The following STRA8 variants were observed in gnomAD, a reference collection of about 807,000 sequenced individuals.
The protein encoded by STRA8 is stimulated by retinoic acid gene 8 protein homolog.
Under a neutral mutation model 37.1 loss-of-function variants are expected in STRA8, and 18 were observed. That is an observed-to-expected ratio of 0.48 (90% CI 0.34 to 0.72). The LOEUF (loss-of-function observed/expected upper bound fraction) is 0.72. Among genes scored for constraint, STRA8 ranks in the 30% least tolerant of loss-of-function variants. The pLI is 0.01. For missense variants in STRA8, 357 were observed against 410.4 expected, an observed-to-expected ratio of 0.87 and a Z score of 1.13; for synonymous variants, 168 against 162.9, an observed-to-expected ratio of 1.03 and a Z score of -0.24.
At chr7:135,233,275 TC>T (rs1454217669), upstream of STRA8, among the ~76,000 whole-genome samples, 1 of 152,070 alleles carries the variant, frequency 6.6e-6, no homozygotes, top group East Asian at 1.9e-4. Flanking sequence ...CCCCATTTTC[TC>T]CCCCCATCCT....
intron 7 of STRA8, 42 bp downstream of exon 7, chr7:135,251,911 T>C (rs1432097181): frequency 6.3e-7 from 1 of 1,588,392 alleles, no homozygotes; most frequent in Non-Finnish European, 8.6e-7. Flanking sequence ...CCTGTGTGGG[T>C]GGATGTGAGA....
intron 7 of STRA8, among the ~76,000 whole-genome samples, chr7:135,253,873 T>C (rs1196964949): frequency 6.6e-6 from 1 of 152,198 alleles, no homozygotes; most frequent in African/African-American, 2.4e-5. Flanking sequence ...TCCCAATGAA[T>C]ATCTCATTGT....
intron 1 of STRA8, among the ~76,000 whole-genome samples, chr7:135,235,073 C>T (rs1298088267): frequency 6.6e-6 from 1 of 152,138 alleles, no homozygotes; most frequent in Non-Finnish European, 1.5e-5. Context: ...GGTTTGGCCA[C>T]GTTGCCCAGT....
At chr7:135,248,561 A>T (rs377314591) in intron 6 of STRA8, among the ~76,000 whole-genome samples, 4 of 152,168 alleles carry the variant, frequency 2.6e-5, no homozygotes, top group African/African-American at 7.2e-5. Context: ...CTAAAAAAAA[A>T]TAAAAAGGTG....
chr7:135,251,955 C>A, intron 7 of STRA8, 86 bp downstream of exon 7: 1 of 1,280,522 alleles, frequency 7.8e-7, no homozygotes, highest in Non-Finnish European at 1.1e-6. Context: ...TGTGAGTTTG[C>A]ATGTGCATGA....
At chr7:135,237,841 G>A (rs747923728) in intron 1 of STRA8, among the ~76,000 whole-genome samples, 1 of 151,730 alleles carries the variant, frequency 6.6e-6, no homozygotes, top group Non-Finnish European at 1.5e-5. Flanking sequence ...GCAGTGAGCC[G>A]AGATCACGCC....
chr7:135,235,336 A>C (rs890241886), intron 1 of STRA8, among the ~76,000 whole-genome samples: 5 of 152,120 alleles, frequency 3.3e-5, no homozygotes, highest in Non-Finnish European at 7.4e-5. Flanking sequence ...AAAATTCCTT[A>C]AGATGAAGCT....
At chr7:135,245,656 C>A (rs889690978) in intron 5 of STRA8, among the ~76,000 whole-genome samples, 129 bp downstream of exon 5, 1 of 152,096 alleles carries the variant, frequency 6.6e-6, no homozygotes, top group African/African-American at 2.4e-5. Flanking sequence ...TCAGACTAGG[C>A]CCTGAATCAC....
rs1348457120 is a variant in STRA8 at position 135,252,011 on chromosome 7, A to AGTGTGTGT, written c.953+143_953+144insTGTGTGTG. On this transcript the variant is annotated intron_variant, in intron 7 of 8. Transcript: ENST00000662584. ...AGAGAGGAGACAGAGGGAGAGAGAGAGAGTGTGTGTGTGTGTGTGTGTGTG... is the reference window on the plus strand; with the variant it reads ...AGAGAGGAGACAGAGGGAGAGAGAGAGTGTGTGTGAGTGTGTGTGTGTGTGTGTGTGTG... 1.6e-3 allele frequency: 1,036 copies of AGTGTGTGT among 646,858 alleles called. 6 individuals are homozygous for AGTGTGTGT. The African/African-American group carries it at 0.025, about 15-fold the overall frequency. 40.1% of individuals were successfully genotyped at this position (646,858 alleles called of 1,614,324 possible).
rs1379852791 is a variant in STRA8 at position 135,251,879 on chromosome 7, A to T, written c.953+10A>T. ...GTACATCTAGCTCCAGGTGAGGAAGAGGGTGTGAGATAGCATGTGCCCCTG... is the reference window on the plus strand; with the variant it reads ...GTACATCTAGCTCCAGGTGAGGAAGTGGGTGTGAGATAGCATGTGCCCCTG... On this transcript the variant is annotated intron_variant, in intron 7 of 8. Coordinates refer to ENST00000662584, the MANE Select transcript of STRA8 (RefSeq NM_001394401.1). The T allele has an allele frequency of 6.2e-7, 1 of 1,613,728 alleles. No homozygotes were observed. The highest frequency in any genetic ancestry group is 1.1e-5 in the South Asian group (1 of 91,070).
At chr7:135,233,200 G>A (rs1398839846), upstream of STRA8, among the ~76,000 whole-genome samples, 1 of 152,120 alleles carries the variant, frequency 6.6e-6, no homozygotes, top group East Asian at 1.9e-4. Flanking sequence ...ACTACCCAGA[G>A]TGAACCCCTT....
chr7:135,256,337 C>T (rs931814545), intron 8 of STRA8, among the ~76,000 whole-genome samples: 3 of 152,038 alleles, frequency 2.0e-5, no homozygotes, highest in Non-Finnish European at 2.9e-5. Flanking sequence ...CCCCTTCCCA[C>T]CAATCCTTGG....
chr7:135,251,234 A>C (rs555797905), intron 6 of STRA8, among the ~76,000 whole-genome samples: 1 of 152,214 alleles, frequency 6.6e-6, no homozygotes, highest in African/African-American at 2.4e-5. Flanking sequence ...GAATAGCCCT[A>C]TGAGTAGACA....
At chr7:135,255,622 A>AGGGT (rs1414027260) in intron 8 of STRA8, among the ~76,000 whole-genome samples, 19 of 152,214 alleles carry the variant, frequency 1.2e-4, no homozygotes, top group African/African-American at 4.3e-4. Flanking sequence ...CCTATTATGA[A>AGGGT]CTGCTCATGC....
rs1411073428 is a variant in STRA8 at position 135,251,996 on chromosome 7, CAGAG to C, written c.953+128_953+131del. 1.7e-4 allele frequency: 122 copies of C among 735,282 alleles called. 1 individual carries two copies. The African/African-American group carries it at 1.8e-3, about 11-fold the overall frequency. The allele number at this position is 735,282 out of a possible 1,614,324, so 45.5% of individuals were successfully genotyped here. On this transcript the variant is annotated intron_variant, in intron 7 of 8. Coordinates refer to ENST00000662584, the MANE Select transcript of STRA8 (RefSeq NM_001394401.1). The stretch of plus-strand genomic sequence containing the variant: ...GTAAGTCAGAGACAGAGAGAGGAGA[CAGAG>C]GGAGAGAGAGAGAGTGTGTGTGTGT...
intron 4 of STRA8, among the ~76,000 whole-genome samples, chr7:135,243,637 G>C (rs1019205149): frequency 5.3e-5 from 8 of 152,190 alleles, no homozygotes; most frequent in African/African-American, 1.4e-4. Context: ...CACAGAAGAT[G>C]CAGAAAATAC....
Position 135,243,423 on chromosome 7 carries a change from A to G in STRA8, c.353+13A>G. The G allele has an allele frequency of 6.2e-7, 1 of 1,613,474 alleles. No homozygotes were observed. Among genetic ancestry groups the G allele is most frequent in the Non-Finnish European group, 8.5e-7 (1 of 1,179,546 alleles). On this transcript the variant is annotated intron_variant, in intron 4 of 8. Transcript: ENST00000662584. Reference sequence around the variant, plus strand: ...CTGGAAATGACAGGTAAGACACCACAAACCCCAGGAAGCTGGGGACCTGCT... The same window carrying G: ...CTGGAAATGACAGGTAAGACACCACGAACCCCAGGAAGCTGGGGACCTGCT...
At chr7:135,241,352 C>T (rs907622774) in intron 2 of STRA8, among the ~76,000 whole-genome samples, 2 of 152,162 alleles carry the variant, frequency 1.3e-5, no homozygotes, top group African/African-American at 2.4e-5. Context: ...CCTCTTTGGC[C>T]TGGCAGAGCA....
In STRA8 at chr7:135,246,315, C is replaced by T. The variant is rs1322964652; in HGVS notation, c.594-102C>T. 6.8e-7 allele frequency: 1 copy of T among 1,481,430 alleles called. No homozygotes were observed. The highest frequency in any genetic ancestry group is 1.2e-5 in the South Asian group (1 of 81,810). 91.8% of individuals were successfully genotyped at this position (1,481,430 alleles called of 1,614,324 possible). A position where few individuals can be genotyped will look rare whatever the true frequency, so the allele number is the denominator to read the frequency against. On this transcript the variant is annotated intron_variant, in intron 5 of 8. Coordinates refer to ENST00000662584, the MANE Select transcript of STRA8 (RefSeq NM_001394401.1). This position sits in a 1 kb window ranked among gnomAD's most constrained non-coding sequence, Gnocchi z 5.4. ...GTCTCAGCCCTGGTGAGCCGTGGCG[C>T]CGTGGCCGGGCCTGCGTGCTGGGGT...
Sources: gnomAD v4.1 joint callset for allele counts (sites outside exome capture counted in the v4.1 genomes callset) on GRCh38, gnomAD v4.1.1 for gene constraint, Gnocchi (gnomAD v3.1) non-coding constraint, MANE v1.5 for transcripts, NCBI Gene and HGNC (gene_info 2026-07-23, HGNC 2026-07-21) for gene names.